The following TET1 variants were observed in gnomAD, a reference collection of about 807,000 sequenced individuals.
The protein encoded by TET1 is tet methylcytosine dioxygenase 1.
Under a neutral mutation model 148.7 loss-of-function variants are expected in TET1, and 13 were observed. The observed-to-expected ratio is 0.09, with a 90% CI of 0.06 to 0.14. The LOEUF is 0.14. Among genes scored for constraint, TET1 ranks in the 10% least tolerant of loss-of-function variants. The pLI is 1.00. For synonymous variants in TET1, 907 were observed against 937.2 expected, an observed-to-expected ratio of 0.97 and a Z score of 0.59; for missense variants, 2,182 against 2,553.8, an observed-to-expected ratio of 0.85 and a Z score of 3.14.
At chr10:68,636,488 C>T (rs935314753) in intron 3 of TET1, among the ~76,000 whole-genome samples, 2 of 152,048 alleles carry the variant, frequency 1.3e-5, no homozygotes, top group African/African-American at 2.4e-5. Flanking sequence ...GAGGCCAAGG[C>T]AGGAGGATAT....
At chr10:68,607,292 T>C (rs2054137883) in intron 3 of TET1, among the ~76,000 whole-genome samples, 1 of 152,192 alleles carries the variant, frequency 6.6e-6, no homozygotes, top group Non-Finnish European at 1.5e-5. Context: ...TCATACTGTT[T>C]CTGAGTTGTA....
At chr10:68,651,279 C>A (rs945311687) in intron 4 of TET1, among the ~76,000 whole-genome samples, 2 of 151,988 alleles carry the variant, frequency 1.3e-5, no homozygotes, top group Non-Finnish European at 2.9e-5. Context: ...GAAACCCCGT[C>A]TCTACTAAAA....
chr10:68,673,308 A>G, intron 8 of TET1: 2 of 240,552 alleles, frequency 8.3e-6, no homozygotes, highest in South Asian at 7.0e-5. Flanking sequence ...CAGCAAAATC[A>G]TCATTAAAAG....
chr10:68,655,190 CAA>C (rs1216987966), intron 6 of TET1, among the ~76,000 whole-genome samples: 2 of 152,126 alleles, frequency 1.3e-5, no homozygotes, highest in Non-Finnish European at 2.9e-5. Flanking sequence ...AAGAAAGAAA[CAA>C]AGAAAATAAA....
chr10:68,680,388 C>T (rs1467760873), intron 8 of TET1, among the ~76,000 whole-genome samples: 6 of 152,084 alleles, frequency 3.9e-5, no homozygotes, highest in South Asian at 2.1e-4. Context: ...TCACCCAGGC[C>T]GGAGTGCAGT....
chr10:68,665,027 G>A (rs923624451), intron 6 of TET1, among the ~76,000 whole-genome samples: 2 of 151,896 alleles, frequency 1.3e-5, no homozygotes, highest in South Asian at 4.1e-4. Context: ...TCACCTCTAC[G>A]TTCCGAAATC....
At chr10:68,665,271 A>C (rs2055181191) in intron 6 of TET1, among the ~76,000 whole-genome samples, 1 of 77,784 alleles carries the variant, frequency 1.3e-5, no homozygotes, top group Non-Finnish European at 2.5e-5. Context: ...ACAATTGGTC[A>C]GTTTACACAT....
chr10:68,619,260 T>A (rs949831936), intron 3 of TET1, among the ~76,000 whole-genome samples: 1 of 152,110 alleles, frequency 6.6e-6, no homozygotes, highest in Non-Finnish European at 1.5e-5. Flanking sequence ...AGCCAGAGTC[T>A]CTATCACCCA....
In TET1 at chr10:68,644,840, G is replaced by A. The variant is rs1420099949; in HGVS notation, c.2111G>A (p.Gly704Asp). The change falls in exon 4 of 12, where the codon GGC (glycine) becomes GAC (aspartate). Residue 704 changes from glycine to aspartate, a missense_variant. Around this residue, in one of 11 missense-constraint regions of TET1, gnomAD observed 226 missense variants for 307.4 expected, o/e 0.74. Transcript: ENST00000373644. Reference protein sequence around the residue: ...NVTKNEDSMTGIEVEKWTQNK... With the variant: ...NVTKNEDSMTDIEVEKWTQNK... The stretch of plus-strand genomic sequence containing the variant: ...ACTAAAAATGAAGACAGCATGACAG[G>A]CATCGAGGTGGAGAAGTGGACACAA... 17 of 1,613,854 alleles carry A rather than the reference G, an allele frequency of 1.1e-5. No individual in the cohort carries two copies. Among genetic ancestry groups the A allele is most frequent in the Non-Finnish European group, 1.4e-5 (16 of 1,179,922 alleles).
At chr10:68,674,402 T>A in intron 8 of TET1, 1 of 281,440 alleles carries the variant, frequency 3.6e-6, no homozygotes, top group Non-Finnish European at 6.9e-6. Context: ...CTAAGAAAGA[T>A]TTGTATTACG....
intron 3 of TET1, among the ~76,000 whole-genome samples, chr10:68,640,206 C>T (rs148029410): frequency 2.0e-5 from 3 of 151,158 alleles, no homozygotes; most frequent in South Asian, 2.1e-4. Context: ...GGATTACAGG[C>T]GGAAGCTGAC....
At chr10:68,683,012 C>T in intron 10 of TET1, 39 bp downstream of exon 10, 3 of 1,607,580 alleles carry the variant, frequency 1.9e-6, no homozygotes, top group Non-Finnish European at 2.5e-6. Flanking sequence ...AAAGCTCCAT[C>T]ACTATATGCT....
rs1218622095 is a variant in TET1, at chr10:68,692,650, T to C, written c.*836T>C. The C allele has an allele frequency of 4.3e-6, 1 of 231,928 alleles. No homozygotes were observed. The highest frequency in any genetic ancestry group is 6.2e-5 in the East Asian group (1 of 16,208). The allele number at this position is 231,928 out of a possible 1,614,324, so 14.4% of individuals were successfully genotyped here. A position where few individuals can be genotyped will look rare whatever the true frequency, so the allele number is the denominator to read the frequency against. On this transcript the variant is annotated 3_prime_UTR_variant, in exon 12 of 12. Transcript: ENST00000373644. The stretch of plus-strand genomic sequence containing the variant: ...TATTAGCAACTTGCAGTATATAAAA[T>C]AGTTAGATAATGAGAAGTTGTTAAT...
At chr10:68,579,174 G>A (rs1357274660) in intron 2 of TET1, among the ~76,000 whole-genome samples, 1 of 152,138 alleles carries the variant, frequency 6.6e-6, no homozygotes, top group African/African-American at 2.4e-5. Context: ...GTAAGTTACT[G>A]GTTTGTAGCA....
chr10:68,682,451 C>T (rs1330898238), intron 9 of TET1, among the ~76,000 whole-genome samples: 1 of 152,106 alleles, frequency 6.6e-6, no homozygotes, highest in Non-Finnish European at 1.5e-5. Context: ...AATTGACTTT[C>T]AGTAATGGTT....
rs553591899 is a variant in TET1, at chr10:68,597,030, A to ATTTTTTTT, written c.1915-3937_1915-3930dup. On this transcript the variant is annotated intron_variant, in intron 2 of 11. Transcript: ENST00000373644. The stretch of plus-strand genomic sequence containing the variant: ...ATTTTCATGATCACACAGCTAATGG[A>ATTTTTTTT]TTTTTTTTTTTTTTTTTTTTTGAGA... Among the ~76,000 whole-genome samples the ATTTTTTTT allele has an allele frequency of 3.1e-3, 306 of 98,842 alleles. 41 individuals are homozygous for ATTTTTTTT. Among genetic ancestry groups the ATTTTTTTT allele is most frequent in the African/African-American group, 0.012 (260 of 22,546 alleles). 64.8% of individuals were successfully genotyped at this position (98,842 alleles called of 152,430 possible).
At chr10:68,639,791 A>G (rs1050204641) in intron 3 of TET1, among the ~76,000 whole-genome samples, 10 of 151,950 alleles carry the variant, frequency 6.6e-5, no homozygotes, top group Admixed American at 6.6e-4. Flanking sequence ...TCTTAGAAGG[A>G]CCTCAAGATC....
Position 68,690,802 on chromosome 10 carries a change from G to A in TET1, c.5405-6G>A. 1 of 1,573,758 alleles carries A rather than the reference G, an allele frequency of 6.4e-7. No homozygotes were observed. Among genetic ancestry groups the A allele is most frequent in the South Asian group, 1.1e-5 (1 of 87,006 alleles). ...ATTTTTCTTCACATTTGGTGTCCTT[G>A]TTTAGGGAGTAACACTGAGACCGTG... On this transcript the variant is annotated splice_region_variant and splice_polypyrimidine_tract_variant and intron_variant, in intron 11 of 11. Coordinates refer to ENST00000373644, the MANE Select transcript of TET1 (RefSeq NM_030625.3).
At chr10:68,564,440 C>T (rs768220110) in intron 1 of TET1, among the ~76,000 whole-genome samples, 3 of 151,510 alleles carry the variant, frequency 2.0e-5, no homozygotes, top group South Asian at 2.1e-4. Flanking sequence ...TGAGCCACCA[C>T]GCCTGGCCAA....
Sources: allele counts gnomAD v4.1 joint callset (sites outside exome capture counted in the v4.1 genomes callset), GRCh38; gene constraint gnomAD v4.1.1; regional missense constraint gnomAD v4.1.1; transcripts MANE v1.5; gene names NCBI Gene and HGNC (gene_info 2026-07-23, HGNC 2026-07-21).